Variants in OPCML observed in about 807,000 individuals in gnomAD.
OPCML encodes the protein opioid-binding protein/cell adhesion molecule.
OPCML carries 13 observed loss-of-function variants against 37.8 expected under a neutral mutation model. The ratio of observed to expected loss-of-function variants is 0.34; its 90% CI spans 0.22 to 0.55. OPCML has a LOEUF of 0.55. Among genes scored for constraint, OPCML ranks in the 20% least tolerant of loss-of-function variants. The probability of loss-of-function intolerance (pLI) is 0.91; values close to 1 mark genes in which losing one functional copy is unlikely to be tolerated. For synonymous variants in OPCML, 176 were observed against 168.8 expected (o/e 1.04, Z -0.33); for missense variants, 341 against 435.6 (o/e 0.78, Z 1.93).
At chr11:132,816,977 T>A (rs1939674104) in intron 2 of OPCML, 1 of 152,140 alleles carries the variant, frequency 6.6e-6, no homozygotes, top group Non-Finnish European at 1.5e-5. Context: ...TCTGTGCTAC[T>A]CTCCTCTCCT....
At chr11:132,484,342 T>C (rs1054604893) in intron 4 of OPCML, among the ~76,000 whole-genome samples, 6 of 152,134 alleles carry the variant, frequency 3.9e-5, no homozygotes, top group Admixed American at 2.0e-4. Flanking sequence ...GGCCATCAGA[T>C]AAATGCAAAT....
chr11:132,791,793 A>G (rs1044328178), intron 2 of OPCML, among the ~76,000 whole-genome samples: 6 of 152,076 alleles, frequency 3.9e-5, no homozygotes, highest in Non-Finnish European at 8.8e-5. Context: ...CCTGTCACTT[A>G]GCTATCCTAG....
intron 1 of OPCML, among the ~76,000 whole-genome samples, chr11:133,026,887 G>A (rs1401011127): frequency 2.0e-5 from 3 of 152,118 alleles, no homozygotes; most frequent in Admixed American, 6.5e-5. Context: ...ATATGTTAGA[G>A]TGTCTTGATA....
At chr11:132,679,145 C>G (rs867800804) in intron 2 of OPCML, among the ~76,000 whole-genome samples, 26 of 152,190 alleles carry the variant, frequency 1.7e-4, no homozygotes, top group Non-Finnish European at 3.1e-4. Flanking sequence ...TCAGGGACTG[C>G]TTGTGGGAAT....
intron 4 of OPCML, among the ~76,000 whole-genome samples, chr11:132,526,378 T>C (rs1262474864): frequency 2.6e-5 from 4 of 152,150 alleles, no homozygotes; most frequent in African/African-American, 9.7e-5. Flanking sequence ...GGAACCCATG[T>C]CTTGGGGAAC....
chr11:132,789,987 G>A (rs1211003844), intron 2 of OPCML, among the ~76,000 whole-genome samples: 1 of 152,154 alleles, frequency 6.6e-6, no homozygotes, highest in African/African-American at 2.4e-5. Flanking sequence ...AAGGAATTAA[G>A]ACCACAGGTT....
At chr11:132,573,000 T>C (rs564102612) in intron 3 of OPCML, among the ~76,000 whole-genome samples, 49 of 152,128 alleles carry the variant, frequency 3.2e-4, no homozygotes, top group African/African-American at 1.1e-3. Context: ...ATTTCAATTT[T>C]TTGATGTTAT....
chr11:132,963,600 A>G (rs1291534647), intron 1 of OPCML, among the ~76,000 whole-genome samples: 1 of 151,786 alleles, frequency 6.6e-6, no homozygotes, highest in Non-Finnish European at 1.5e-5. Flanking sequence ...CAAAAAAAAA[A>G]AAAAAAACTG....
At chr11:133,503,984 A>G (rs1332914965) in intron 1 of OPCML, among the ~76,000 whole-genome samples, 3 of 152,154 alleles carry the variant, frequency 2.0e-5, no homozygotes, top group Non-Finnish European at 4.4e-5. Context: ...AGAGCTCCAG[A>G]TTCAGACAAG....
rs73029322 is a variant in OPCML, at chr11:133,241,723, G to C, written c.61+290541C>G. On this transcript the variant is annotated intron_variant, in intron 1 of 7. Transcript: ENST00000524381. ...AGGTACATTTTCCCAAGATCCGAAG[G>C]GAAGAGCATTTGCACTCCCCGCCGC... Among the ~76,000 whole-genome samples, 1,043 of 152,278 alleles carry C rather than the reference G, an allele frequency of 6.8e-3. 4 individuals are homozygous for C. The highest frequency in any genetic ancestry group is 0.017 in the Middle Eastern group (5 of 294).
chr11:132,838,669 T>C (rs896865055), intron 2 of OPCML, among the ~76,000 whole-genome samples: 5 of 152,252 alleles, frequency 3.3e-5, no homozygotes, highest in African/African-American at 4.8e-5. Context: ...AAATCGACTT[T>C]TAAAATTTAT....
At chr11:133,380,299 C>CAAATA (rs1251826918) in intron 1 of OPCML, among the ~76,000 whole-genome samples, 1 of 152,138 alleles carries the variant, frequency 6.6e-6, no homozygotes, top group African/African-American at 2.4e-5. Flanking sequence ...CAGAGCAGGA[C>CAAATA]AAATAAAAGG....
intron 1 of OPCML, among the ~76,000 whole-genome samples, chr11:133,353,565 C>G (rs1234773448): frequency 6.6e-6 from 1 of 152,166 alleles, no homozygotes; most frequent in Admixed American, 6.5e-5. Context: ...GCCACAGAAA[C>G]AGATGATGGG....
chr11:132,625,262 G>C (rs1459197058), intron 3 of OPCML, among the ~76,000 whole-genome samples: 1 of 152,016 alleles, frequency 6.6e-6, no homozygotes, highest in African/African-American at 2.4e-5. Flanking sequence ...TGCAGATCAG[G>C]TTAAGTTACA....
intron 1 of OPCML, among the ~76,000 whole-genome samples, chr11:133,030,369 G>A (rs1222548169): frequency 6.6e-6 from 1 of 152,190 alleles, no homozygotes; most frequent in Non-Finnish European, 1.5e-5. Flanking sequence ...AATGGTAGAT[G>A]GGAAATAATG....
intron 2 of OPCML, among the ~76,000 whole-genome samples, chr11:132,774,412 G>C (rs1241284561): frequency 6.6e-6 from 1 of 152,066 alleles, no homozygotes; most frequent in Admixed American, 6.6e-5. Context: ...TCATCGTACA[G>C]GCTCCGACCA....
At chr11:133,153,523 C>T (rs1950016529) in intron 1 of OPCML, among the ~76,000 whole-genome samples, 2 of 152,150 alleles carry the variant, frequency 1.3e-5, no homozygotes, top group African/African-American at 2.4e-5. Flanking sequence ...CTACAAAGCT[C>T]TCTGCACCCG....
At chr11:132,825,729 T>C (rs1346805759) in intron 2 of OPCML, among the ~76,000 whole-genome samples, 1 of 152,204 alleles carries the variant, frequency 6.6e-6, no homozygotes, top group Non-Finnish European at 1.5e-5. Flanking sequence ...CAGGGGAAGC[T>C]TATTAACCTA....
chr11:132,496,906 TCTC>T (rs2096232954), intron 4 of OPCML, among the ~76,000 whole-genome samples: 1 of 152,170 alleles, frequency 6.6e-6, no homozygotes, highest in Admixed American at 6.6e-5. Context: ...TCAGCTATCT[TCTC>T]CTCAATAATA....
Sources: allele counts gnomAD v4.1 joint callset (sites outside exome capture counted in the v4.1 genomes callset), GRCh38; gene constraint gnomAD v4.1.1; transcripts MANE v1.5; gene names NCBI Gene and HGNC (gene_info 2026-07-23, HGNC 2026-07-21).